Variants in ZNF43 observed in about 807,000 individuals in gnomAD.
The protein encoded by ZNF43 is zinc finger protein 43.
A neutral mutation model predicts 68.4 loss-of-function variants in ZNF43; 44 were observed. The observed-to-expected ratio is 0.64, with a 90% CI of 0.51 to 0.83. The LOEUF (loss-of-function observed/expected upper bound fraction) is 0.83. Ranked by LOEUF, ZNF43 falls within the 40% of genes least tolerant of loss-of-function variation. The probability of loss-of-function intolerance (pLI) is 0.00; values close to 1 mark genes in which losing one functional copy is unlikely to be tolerated. For missense variants in ZNF43, 896 were observed against 933.2 expected (o/e 0.96, Z 0.52); for synonymous variants, 308 against 307.8 (o/e 1.00, Z -0.01).
intron 1 of ZNF43, among the ~76,000 whole-genome samples, chr19:21,850,265 G>C (rs1366088299): frequency 6.6e-6 from 1 of 152,210 alleles, no homozygotes; most frequent in Admixed American, 6.5e-5. Context: ...GCCCTCTGTA[G>C]AAAGGGCCTG....
At chr19:21,840,701 GTGTCACAA>G (rs968954032), upstream of ZNF43, 64 of 152,330 alleles carry the variant, frequency 4.2e-4, no homozygotes, top group African/African-American at 1.5e-3. Flanking sequence ...TTGCATACGA[GTGTCACAA>G]TGTCACCTGG....
intron 1 of ZNF43, among the ~76,000 whole-genome samples, chr19:21,831,134 C>T (rs1389640427): frequency 2.0e-5 from 3 of 152,100 alleles, no homozygotes; most frequent in Non-Finnish European, 4.4e-5. Context: ...AAACTCAAAG[C>T]CAATACACTG....
intron 1 of ZNF43, among the ~76,000 whole-genome samples, chr19:21,848,009 G>A (rs978947072): frequency 2.0e-5 from 3 of 151,878 alleles, no homozygotes; most frequent in African/African-American, 7.3e-5. Flanking sequence ...TTTTAGTAGA[G>A]ACGTTTCACC....
chr19:21,829,161 TCA>T (rs2038302281), intron 1 of ZNF43, among the ~76,000 whole-genome samples: 1 of 147,814 alleles, frequency 6.8e-6, no homozygotes, highest in Admixed American at 6.8e-5. Context: ...GAGGCAGAGG[TCA>T]CAGTGAACCG....
chr19:21,817,767 C>A, intron 3 of ZNF43, 121 bp downstream of exon 3: 3 of 1,061,566 alleles, frequency 2.8e-6, no homozygotes, highest in Non-Finnish European at 2.8e-6. Flanking sequence ...AAAACTCAGG[C>A]TTTCCAGAAA....
chr19:21,844,917 AAAAAATATAT>A (rs1455247627), intron 1 of ZNF43, among the ~76,000 whole-genome samples: 2 of 85,714 alleles, frequency 2.3e-5, no homozygotes, highest in African/African-American at 1.3e-4. Context: ...AAAAAAAAAA[AAAAAATATAT>A]ATATATATAT....
chr19:21,821,473 GTCT>G (rs1222348867), intron 1 of ZNF43, among the ~76,000 whole-genome samples: 1 of 152,050 alleles, frequency 6.6e-6, no homozygotes, highest in African/African-American at 2.4e-5. Flanking sequence ...CTTTATAAAT[GTCT>G]TCTTGTTTAA....
intron 1 of ZNF43, among the ~76,000 whole-genome samples, chr19:21,834,110 G>T (rs368967521): frequency 2.8e-4 from 42 of 152,074 alleles, no homozygotes; most frequent in African/African-American, 9.2e-4. Flanking sequence ...GGCGGAGGCG[G>T]GTGGATCATC....
At chr19:21,844,921 A>AAAAAAAAAAATATATATATATAT (rs1310761266) in intron 1 of ZNF43, among the ~76,000 whole-genome samples, 2 of 26,048 alleles carry the variant, frequency 7.7e-5, no homozygotes, top group African/African-American at 4.4e-4. Flanking sequence ...AAAAAAAAAA[A>AAAAAAAAAAATATATATATATAT]ATATATATAT....
Position 21,827,822 on chromosome 19 carries a change from T to C in ZNF43, c.3+8214A>G, listed in dbSNP as rs192974633. ...GATTACAGGCATGCACCACAATGTA[T>C]GGCTAATTTTGTATTTTTAGTAAAG... On this transcript the variant is annotated intron_variant, in intron 1 of 3. Coordinates refer to ENST00000354959, the MANE Select transcript of ZNF43 (RefSeq NM_003423.4). Among the ~76,000 whole-genome samples, 580 of 152,174 alleles carry C rather than the reference T, an allele frequency of 3.8e-3. 4 individuals are homozygous for C. Among genetic ancestry groups the C allele is most frequent in the Middle Eastern group, 0.02 (6 of 294 alleles).
intron 3 of ZNF43, among the ~76,000 whole-genome samples, chr19:21,815,800 TG>T (rs1207192416): frequency 6.6e-6 from 1 of 151,988 alleles, no homozygotes; most frequent in Non-Finnish European, 1.5e-5. Flanking sequence ...GGCTCATGCC[TG>T]TAATCCCAGC....
chr19:21,851,539 CAAAAAAAAAA>C (rs759516277), intron 1 of ZNF43, among the ~76,000 whole-genome samples: 1 of 64,848 alleles, frequency 1.5e-5, no homozygotes, highest in Non-Finnish European at 3.4e-5. Context: ...GATTCCCTCT[CAAAAAAAAAA>C]AAAAAAAAAA....
chr19:21,846,467 C>G (rs1449521209), intron 1 of ZNF43, among the ~76,000 whole-genome samples: 5 of 152,090 alleles, frequency 3.3e-5, no homozygotes, highest in Admixed American at 1.3e-4. Flanking sequence ...GGACAAAGCC[C>G]AGATAAAAGA....
At chr19:21,818,364 G>C (rs7250566) in intron 2 of ZNF43, among the ~76,000 whole-genome samples, 5,204 of 151,440 alleles carry the variant, frequency 0.034, 317 homozygotes, top group African/African-American at 0.12. Flanking sequence ...GCATCCCAAA[G>C]TGCTGGGATT....
At position 21,805,559 on chromosome 19, in the gene ZNF43, C is replaced by A. The variant is rs2036900645; in HGVS notation, c.*2048G>T. On this transcript the variant is annotated 3_prime_UTR_variant, in exon 4 of 4. Coordinates refer to ENST00000354959, the MANE Select transcript of ZNF43 (RefSeq NM_003423.4). ...GAGTGAACCTGGGAGGCGGAGCTTGCAGTGAGCCAAGATCGCGCCACTGCA... is the reference window on the plus strand; with the variant it reads ...GAGTGAACCTGGGAGGCGGAGCTTGAAGTGAGCCAAGATCGCGCCACTGCA... 1 of 151,428 alleles carries A rather than the reference C, an allele frequency of 6.6e-6. No homozygotes were observed. 9.4% of individuals were successfully genotyped at this position (151,428 alleles called of 1,614,324 possible).
chr19:21,836,148 AGAC>A lies in ZNF43; in HGVS notation c.-113_-111del. ...AGCAGCAGAGGACACAGAAGAACGA[AGAC>A]GAGACGCAGAGCTCCAACTGCAGCC... On this transcript the variant is annotated 5_prime_UTR_variant, in exon 1 of 4. Transcript: ENST00000354959. 6.3e-7 allele frequency: 1 copy of A among 1,582,412 alleles called. No individual in the cohort carries two copies. The highest frequency in any genetic ancestry group is 8.6e-7 in the Non-Finnish European group (1 of 1,163,378).
chr19:21,819,212 T>C lies in ZNF43; in HGVS notation c.13A>G (p.Thr5Ala). MGPL[T>A]FMDVAIEFCL... ...AATTCTATGGCCACATCCATAAATGTCAATGGTCCCTAAAAAAAACAACAC... is the reference window on the plus strand; with the variant it reads ...AATTCTATGGCCACATCCATAAATGCCAATGGTCCCTAAAAAAAACAACAC... Residue 5 changes from threonine (T) to alanine (A), a missense_variant, in exon 2 of 4, where the codon ACA (threonine) becomes GCA (alanine). By Grantham distance (58) the Thr-to-Ala change is moderately conservative (BLOSUM62 0). Coordinates refer to ENST00000354959, the MANE Select transcript of ZNF43 (RefSeq NM_003423.4). 1 of 1,594,164 alleles carries C rather than the reference T, an allele frequency of 6.3e-7. No individual in the cohort carries two copies. Among genetic ancestry groups the C allele is most frequent in the Non-Finnish European group, 8.5e-7 (1 of 1,174,208 alleles).
upstream of ZNF43, chr19:21,837,814 T>C (rs909830377): frequency 2.0e-5 from 3 of 152,178 alleles, no homozygotes; most frequent in African/African-American, 7.2e-5. Flanking sequence ...TAGGAAAGCA[T>C]GAGACATCAA....
intron 1 of ZNF43, among the ~76,000 whole-genome samples, chr19:21,832,758 A>G (rs1305289887): frequency 3.3e-5 from 5 of 151,912 alleles, no homozygotes; most frequent in African/African-American, 1.2e-4. Flanking sequence ...CCAGCTACTC[A>G]GGAGGCTGAG....
Sources: allele counts gnomAD v4.1 joint callset (sites outside exome capture counted in the v4.1 genomes callset), GRCh38; gene constraint gnomAD v4.1.1; transcripts MANE v1.5; gene names NCBI Gene and HGNC (gene_info 2026-07-23, HGNC 2026-07-21).